Variants in FAM110B observed in about 807,000 individuals in gnomAD.
FAM110B encodes family with sequence similarity 110 member B.
FAM110B carries 6 observed loss-of-function variants against 20.4 expected under a neutral mutation model. The observed-to-expected ratio is 0.29, with a 90% CI of 0.16 to 0.58. The LOEUF (loss-of-function observed/expected upper bound fraction) is 0.58, where lower values mean the gene tolerates loss of function less well. Ranked by LOEUF, FAM110B falls within the 20% of genes least tolerant of loss-of-function variation. The pLI is 0.90. For synonymous variants in FAM110B, 226 were observed against 214.1 expected (o/e 1.06, Z -0.49); for missense variants, 434 against 498.2 (o/e 0.87, Z 1.23).
At chr8:58,067,795 T>A (rs765144303) in intron 2 of FAM110B, among the ~76,000 whole-genome samples, 2 of 152,174 alleles carry the variant, frequency 1.3e-5, no homozygotes, top group Non-Finnish European at 2.9e-5. Flanking sequence ...AACAAATGAT[T>A]TTTCAGAATC....
At chr8:58,145,612 G>A (rs1398443976) in intron 3 of FAM110B, among the ~76,000 whole-genome samples, 2 of 152,238 alleles carry the variant, frequency 1.3e-5, no homozygotes, top group Non-Finnish European at 2.9e-5. Context: ...TGCCAACCGG[G>A]CGTGTTCAGA....
Position 58,129,487 on chromosome 8 carries a change from C to T in FAM110B, c.-324-16420C>T, listed in dbSNP as rs1242990409. 2.6e-5 allele frequency among the ~76,000 whole-genome samples: 4 copies of T among 152,238 alleles called. No individual in the cohort carries two copies. In the South Asian group the frequency reaches 6.2e-4, roughly 24 times the overall value. On this transcript the variant is annotated intron_variant, in intron 3 of 3. Coordinates refer to ENST00000519262, the MANE Select transcript of FAM110B (RefSeq NM_001377989.1). Reference sequence around the variant, plus strand: ...CCGTTCTCCAGTCAGCCACCCCCTTCGGGGCCCCTGTTGGTAGTATTTTAG... The same window carrying T: ...CCGTTCTCCAGTCAGCCACCCCCTTTGGGGCCCCTGTTGGTAGTATTTTAG...
chr8:58,002,376 C>T (rs900519491), intron 1 of FAM110B, among the ~76,000 whole-genome samples: 6 of 152,228 alleles, frequency 3.9e-5, no homozygotes, highest in Admixed American at 1.3e-4. Flanking sequence ...AGAGTGTTAA[C>T]ACCAGGTACC....
intron 1 of FAM110B, among the ~76,000 whole-genome samples, chr8:58,013,704 C>T (rs984697809): frequency 6.6e-6 from 1 of 152,196 alleles, no homozygotes; most frequent in African/African-American, 2.4e-5. Context: ...ACATCATCCT[C>T]ACCCATAAAC....
chr8:58,127,425 C>T (rs1360454625), intron 3 of FAM110B, among the ~76,000 whole-genome samples: 3 of 152,158 alleles, frequency 2.0e-5, no homozygotes, highest in East Asian at 3.8e-4. Context: ...TGCATAAGCT[C>T]GCAAATAACT....
chr8:58,034,881 G>A (rs150259628), intron 2 of FAM110B, among the ~76,000 whole-genome samples: 104 of 152,288 alleles, frequency 6.8e-4, no homozygotes, highest in African/African-American at 2.2e-3. Context: ...CAGCAAATGT[G>A]TTCAGAATGG....
At chr8:58,066,700 C>G (rs1365801766) in intron 2 of FAM110B, among the ~76,000 whole-genome samples, 4 of 152,088 alleles carry the variant, frequency 2.6e-5, no homozygotes, top group African/African-American at 9.7e-5. Flanking sequence ...GTGGGGTGAT[C>G]CTGGTGGCTC....
chr8:58,024,101 T>G (rs147540274), intron 1 of FAM110B, among the ~76,000 whole-genome samples: 1 of 152,306 alleles, frequency 6.6e-6, no homozygotes, highest in East Asian at 1.9e-4. Flanking sequence ...CTAAATGTTA[T>G]TGTTTATAGA....
Position 58,145,963 on chromosome 8 carries a change from A to C in FAM110B, c.-268A>C. On this transcript the variant is annotated 5_prime_UTR_variant, in exon 4 of 4. Coordinates refer to ENST00000519262, the MANE Select transcript of FAM110B (RefSeq NM_001377989.1). Reference sequence around the variant, plus strand: ...GGAGACTCCCACCTCCTTCAGGGAGAAGAAAGGAGGCAGCGAAGCAGATTA... The same window carrying C: ...GGAGACTCCCACCTCCTTCAGGGAGCAGAAAGGAGGCAGCGAAGCAGATTA... 2.6e-6 allele frequency: 1 copy of C among 386,388 alleles called. No homozygotes were observed. The allele number at this position is 386,388 out of a possible 1,614,324, so 23.9% of individuals were successfully genotyped here.
At chr8:58,099,736 C>T (rs1806731450) in intron 3 of FAM110B, among the ~76,000 whole-genome samples, 1 of 152,032 alleles carries the variant, frequency 6.6e-6, no homozygotes, top group Admixed American at 6.6e-5. Context: ...ACTGTGTTGT[C>T]ATTCCTTTTA....
At chr8:58,140,562 C>T (rs1035219757) in intron 3 of FAM110B, among the ~76,000 whole-genome samples, 1 of 152,210 alleles carries the variant, frequency 6.6e-6, no homozygotes, top group Non-Finnish European at 1.5e-5. Context: ...TGTGCAGCCA[C>T]ACTTAATCCC....
At chr8:58,006,919 A>ATTTTTT (rs137960762) in intron 1 of FAM110B, among the ~76,000 whole-genome samples, 8 of 102,794 alleles carry the variant, frequency 7.8e-5, no homozygotes, top group African/African-American at 2.3e-4. Context: ...ATATATATAT[A>ATTTTTT]TATATTTTTC....
At chr8:58,114,659 G>A (rs1314154350) in intron 3 of FAM110B, among the ~76,000 whole-genome samples, 1 of 152,314 alleles carries the variant, frequency 6.6e-6, no homozygotes, top group African/African-American at 2.4e-5. Flanking sequence ...ACCAAACCAC[G>A]AGCTGAAGGT....
chr8:58,071,701 A>G (rs1805899522), intron 2 of FAM110B, among the ~76,000 whole-genome samples: 1 of 152,072 alleles, frequency 6.6e-6, no homozygotes, highest in African/African-American at 2.4e-5. Flanking sequence ...TTTTAAGGGG[A>G]AAAAAAGGAA....
intron 3 of FAM110B, among the ~76,000 whole-genome samples, chr8:58,142,505 C>G (rs1326584383): frequency 6.6e-6 from 1 of 152,162 alleles, no homozygotes; most frequent in Non-Finnish European, 1.5e-5. Flanking sequence ...CACCTGTTCT[C>G]CCTGCACAAA....
intron 2 of FAM110B, among the ~76,000 whole-genome samples, chr8:58,042,726 G>T (rs1373372116): frequency 1.3e-5 from 2 of 152,184 alleles, no homozygotes; most frequent in African/African-American, 4.8e-5. Context: ...TATGTTTCTT[G>T]TGTATGTTGT....
rs373731478 is a variant in FAM110B, at chr8:58,094,628, A to G, written c.-325+19005A>G. On this transcript the variant is annotated intron_variant, in intron 3 of 3. Transcript: ENST00000519262. The stretch of plus-strand genomic sequence containing the variant: ...CTGATCGTGATGGATAAGCTTTTTG[A>G]TGTGCTGCCAGATTCGGTTTGCCAG... Among the ~76,000 whole-genome samples the G allele has an allele frequency of 1.5e-4, 23 of 152,226 alleles. No individual in the cohort carries two copies. In the East Asian group the frequency reaches 2.7e-3, roughly 18 times the overall value.
chr8:58,023,422 C>T (rs1486213599), intron 1 of FAM110B, among the ~76,000 whole-genome samples: 1 of 151,880 alleles, frequency 6.6e-6, no homozygotes. Flanking sequence ...TTCTGCTGGA[C>T]AAAAAAGTAC....
chr8:58,049,188 A>G (rs1805390725), intron 2 of FAM110B, among the ~76,000 whole-genome samples: 1 of 152,072 alleles, frequency 6.6e-6, no homozygotes, highest in Non-Finnish European at 1.5e-5. Flanking sequence ...GTTTCTGGGG[A>G]GTAAGCTTGG....
Sources: allele counts gnomAD v4.1 joint callset (sites outside exome capture counted in the v4.1 genomes callset), GRCh38; gene constraint gnomAD v4.1.1; transcripts MANE v1.5; gene names NCBI Gene and HGNC (gene_info 2026-07-23, HGNC 2026-07-21).